The following CADM1 variants were observed in gnomAD, a reference collection of about 807,000 sequenced individuals.
The protein encoded by CADM1 is TSLC-1.
CADM1 carries 15 observed loss-of-function variants against 53.1 expected under a neutral mutation model. The observed-to-expected ratio is 0.28, with a 90% CI of 0.19 to 0.44. The LOEUF (loss-of-function observed/expected upper bound fraction) is 0.44. Among genes scored for constraint, CADM1 ranks in the 20% least tolerant of loss-of-function variants. The pLI, the probability that CADM1 is intolerant of heterozygous loss-of-function variation, is 1.00. For synonymous variants in CADM1, 281 were observed against 243.0 expected (o/e 1.16, Z -1.45); for missense variants, 434 against 611.3 (o/e 0.71, Z 3.06).
chr11:115,377,875 C>T (rs1432594190), intron 1 of CADM1: 2 of 152,152 alleles, frequency 1.3e-5, no homozygotes, highest in East Asian at 3.8e-4. Flanking sequence ...AAAAACTTCT[C>T]AAAATCTGTA....
At chr11:115,317,145 T>A (rs1216154707) in intron 1 of CADM1, among the ~76,000 whole-genome samples, 2 of 152,170 alleles carry the variant, frequency 1.3e-5, no homozygotes, top group Non-Finnish European at 2.9e-5. Context: ...CAGATAAGCA[T>A]CTAGGTCTTC....
intron 1 of CADM1, among the ~76,000 whole-genome samples, chr11:115,277,839 T>C (rs987695970): frequency 3.3e-5 from 5 of 152,152 alleles, no homozygotes; most frequent in African/African-American, 7.2e-5. Flanking sequence ...AAAAGAAGAA[T>C]ATGAAGCCAT....
chr11:115,470,218 C>T (rs1948983465), intron 1 of CADM1, among the ~76,000 whole-genome samples: 1 of 152,184 alleles, frequency 6.6e-6, no homozygotes, highest in Admixed American at 6.5e-5. Flanking sequence ...ATGTCATCTT[C>T]TCTCCTTCTC....
At position 115,192,676 on chromosome 11, in the gene CADM1, A is replaced by G. The variant is rs138657242; in HGVS notation, c.1112-1735T>C. On this transcript the variant is annotated intron_variant, in intron 9 of 11. Coordinates refer to ENST00000331581, the MANE Select transcript of CADM1 (RefSeq NM_001301043.2). ...TGGTGCCCACTGAACCACATTAAACAAGGATGTTTCAAGTAGGTAGCTTTA... is the reference window on the plus strand; with the variant it reads ...TGGTGCCCACTGAACCACATTAAACGAGGATGTTTCAAGTAGGTAGCTTTA... Among the ~76,000 whole-genome samples the G allele has an allele frequency of 9.8e-5, 15 of 152,316 alleles. No homozygotes were observed. In the East Asian group the frequency reaches 2.9e-3, roughly 29 times the overall value.
At chr11:115,386,440 T>G (rs889619940) in intron 1 of CADM1, among the ~76,000 whole-genome samples, 4 of 152,202 alleles carry the variant, frequency 2.6e-5, no homozygotes, top group Admixed American at 2.6e-4. Flanking sequence ...GGGTAATTTA[T>G]AAAGAAAAGG....
chr11:115,404,607 T>G (rs1238592948), intron 1 of CADM1, among the ~76,000 whole-genome samples: 1 of 148,492 alleles, frequency 6.7e-6, no homozygotes, highest in East Asian at 2.0e-4. Context: ...AAAAATAACA[T>G]AAATAAAAAT....
intron 1 of CADM1, among the ~76,000 whole-genome samples, chr11:115,367,171 G>C (rs961770930): frequency 6.6e-6 from 1 of 152,206 alleles, no homozygotes; most frequent in Non-Finnish European, 1.5e-5. Flanking sequence ...CTATGATTGC[G>C]CCTGTGAATA....
At chr11:115,178,997 G>A in intron 10 of CADM1, 2 of 576,924 alleles carry the variant, frequency 3.5e-6, no homozygotes, top group Non-Finnish European at 6.4e-6. Flanking sequence ...AGCAGCATAG[G>A]AGGGTTAATG....
intron 8 of CADM1, among the ~76,000 whole-genome samples, chr11:115,200,730 G>C (rs914399422): frequency 6.6e-6 from 1 of 152,216 alleles, no homozygotes; most frequent in Non-Finnish European, 1.5e-5. Context: ...CCAGACCTCA[G>C]GTGATCCACT....
intron 10 of CADM1, among the ~76,000 whole-genome samples, chr11:115,183,982 C>A (rs1035272749): frequency 1.3e-5 from 2 of 152,080 alleles, no homozygotes; most frequent in African/African-American, 4.8e-5. Context: ...TAGTTCCTTT[C>A]CTGGGTGGAG....
At chr11:115,259,691 A>G (rs576248546) in intron 1 of CADM1, among the ~76,000 whole-genome samples, 13 of 152,174 alleles carry the variant, frequency 8.5e-5, no homozygotes, top group African/African-American at 3.1e-4. Flanking sequence ...TTAGGAGTCT[A>G]CTTCCTTAAC....
chr11:115,289,385 A>C (rs955387293), intron 1 of CADM1, among the ~76,000 whole-genome samples: 3 of 151,776 alleles, frequency 2.0e-5, no homozygotes, highest in African/African-American at 7.3e-5. Context: ...AAAATAAATA[A>C]ATCAAGTTAT....
chr11:115,405,964 G>A (rs1416088325), intron 1 of CADM1, among the ~76,000 whole-genome samples: 1 of 152,124 alleles, frequency 6.6e-6, no homozygotes, highest in Non-Finnish European at 1.5e-5. Context: ...GACAAAGCTA[G>A]GCGTGGTTCT....
At chr11:115,362,426 G>T (rs544121532) in intron 1 of CADM1, among the ~76,000 whole-genome samples, 1 of 152,108 alleles carries the variant, frequency 6.6e-6, no homozygotes, top group South Asian at 2.1e-4. Context: ...CCTGTTTTCT[G>T]TCTTATCTTC....
intron 9 of CADM1, chr11:115,193,813 A>G (rs1273106174): frequency 6.6e-6 from 1 of 152,164 alleles, no homozygotes; most frequent in Non-Finnish European, 1.5e-5. Flanking sequence ...ATGAAAAACA[A>G]AGTAGGCGAT....
At chr11:115,178,444 CCA>C (rs1939139273) in intron 11 of CADM1, among the ~76,000 whole-genome samples, 198 bp downstream of exon 11, 1 of 151,928 alleles carries the variant, frequency 6.6e-6, no homozygotes. Context: ...TCATCAACTC[CCA>C]GAGTCCTAAT....
chr11:115,191,158 C>T, intron 9 of CADM1: 1 of 547,648 alleles, frequency 1.8e-6, no homozygotes, highest in Non-Finnish European at 3.3e-6. Context: ...TCAGTCTCCA[C>T]TGTTCAAAGG....
At chr11:115,304,571 T>C (rs758255495) in intron 1 of CADM1, among the ~76,000 whole-genome samples, 2 of 152,006 alleles carry the variant, frequency 1.3e-5, no homozygotes, top group Non-Finnish European at 2.9e-5. Context: ...ACTTCCTGGC[T>C]TCAAAGAAAA....
rs79998915 is a variant in CADM1 at position 115,240,671 on chromosome 11, T to C, written c.125-251A>G. 2,491 of 516,818 alleles carry C rather than the reference T, an allele frequency of 4.8e-3. 13 individuals carry two copies. Among genetic ancestry groups the C allele is most frequent in the Non-Finnish European group, 6.2e-3 (1,776 of 285,342 alleles). 32.0% of individuals were successfully genotyped at this position (516,818 alleles called of 1,614,324 possible). ...CTGTGGTACAAAAGGTTTCAGCCTCTAGTACTTTGTACTAGTTGAGTAGTA... is the reference window on the plus strand; with the variant it reads ...CTGTGGTACAAAAGGTTTCAGCCTCCAGTACTTTGTACTAGTTGAGTAGTA... On this transcript the variant is annotated intron_variant, in intron 1 of 11. Transcript: ENST00000331581.
Sources: gnomAD v4.1 joint callset for allele counts (sites outside exome capture counted in the v4.1 genomes callset) on GRCh38, gnomAD v4.1.1 for gene constraint, MANE v1.5 for transcripts, NCBI Gene and HGNC (gene_info 2026-07-23, HGNC 2026-07-21) for gene names.